The following POLA1 variants were observed in gnomAD, a reference collection of about 807,000 sequenced individuals.
The protein encoded by POLA1 is DNA polymerase alpha catalytic subunit.
POLA1 carries 15 observed loss-of-function variants against 124.0 expected under a neutral mutation model. The observed-to-expected ratio is 0.12, with a 90% CI of 0.08 to 0.19. The LOEUF is 0.19. POLA1 is among the 10% of genes least tolerant of loss of function. POLA1 has a pLI of 1.00. For missense variants in POLA1, 886 were observed against 1,103.4 expected (o/e 0.80, Z 2.79); for synonymous variants, 408 against 389.4 (o/e 1.05, Z -0.56).
chrX:24,901,399 A>G (rs1054569097), intron 35 of POLA1, among the ~76,000 whole-genome samples: 1 of 111,220 alleles, frequency 9.0e-6, no homozygotes, highest in Non-Finnish European at 1.9e-5. Flanking sequence ...TGGCATATTT[A>G]AAAAATAGGA....
chrX:24,913,829 A>T (rs779518925), intron 35 of POLA1, among the ~76,000 whole-genome samples: 1 of 109,947 alleles, frequency 9.1e-6, no homozygotes, highest in Non-Finnish European at 1.9e-5. Flanking sequence ...GGAGTTCGAG[A>T]CCAACGTGGC....
At chrX:24,794,874 TA>T (rs1195043511) in intron 26 of POLA1, among the ~76,000 whole-genome samples, 1 of 110,283 alleles carries the variant, frequency 9.1e-6, no homozygotes. Flanking sequence ...TTTTTTTTTT[TA>T]AAAGTGTTTA....
chrX:24,988,696 A>G lies in POLA1; in HGVS notation c.4262-7109A>G, dbSNP rs150920997. 9.4e-3 allele frequency among the ~76,000 whole-genome samples: 1,057 copies of G among 112,287 alleles called. 15 individuals are homozygous for G. Among genetic ancestry groups the G allele is most frequent in the African/African-American group, 0.032 (997 of 30,919 alleles). ...CAAGATTAGAAATGCGGCTGGGCAC[A>G]GTGGCTGACACCTCTAATCCAGCAC... On this transcript the variant is annotated intron_variant, in intron 36 of 36. Coordinates refer to ENST00000379068, the MANE Select transcript of POLA1 (RefSeq NM_001330360.2).
intron 34 of POLA1, among the ~76,000 whole-genome samples, chrX:24,882,582 TC>T (rs1290829125): frequency 1.8e-5 from 2 of 111,273 alleles, no homozygotes; most frequent in Non-Finnish European, 1.9e-5. Context: ...GGTTTTCTGT[TC>T]CTGCATTAAT....
At chrX:24,941,357 G>T (rs1215819942) in intron 36 of POLA1, among the ~76,000 whole-genome samples, 1 of 111,865 alleles carries the variant, frequency 8.9e-6, no homozygotes, top group Non-Finnish European at 1.9e-5. Context: ...TGACATTGTT[G>T]TGTTTTGTTT....
At chrX:24,694,735 A>T (rs1927856670) in intron 1 of POLA1, among the ~76,000 whole-genome samples, 1 of 112,479 alleles carries the variant, frequency 8.9e-6, no homozygotes, top group Non-Finnish European at 1.9e-5. Context: ...TAAGTGTTCA[A>T]CTAAAGCGTG....
intron 36 of POLA1, among the ~76,000 whole-genome samples, chrX:24,965,086 G>A (rs989484482): frequency 6.3e-5 from 7 of 111,853 alleles, no homozygotes; most frequent in Non-Finnish European, 7.5e-5. Flanking sequence ...GGAAGGGCTC[G>A]ATACCTTAAA....
At chrX:24,762,830 C>T (rs952654988) in intron 26 of POLA1, among the ~76,000 whole-genome samples, 1 of 110,491 alleles carries the variant, frequency 9.1e-6, no homozygotes, top group Non-Finnish European at 1.9e-5. Context: ...CTCTGCCTCC[C>T]GGGTTCAAGT....
At chrX:24,906,421 G>A (rs1023086141) in intron 35 of POLA1, among the ~76,000 whole-genome samples, 2 of 110,542 alleles carry the variant, frequency 1.8e-5, no homozygotes, top group Non-Finnish European at 3.8e-5. Context: ...ATCAAGTATC[G>A]TATGTTCTCA....
intron 35 of POLA1, 28 bp downstream of exon 35, chrX:24,888,150 A>C: frequency 1.0e-6 from 1 of 962,295 alleles, no homozygotes; most frequent in Non-Finnish European, 1.5e-6. Context: ...CTAAAGAACC[A>C]TGTAGAAGAG....
intron 26 of POLA1, among the ~76,000 whole-genome samples, chrX:24,806,019 A>G (rs2045790488): frequency 1.5e-5 from 1 of 66,214 alleles, no homozygotes; most frequent in African/African-American, 5.9e-5. Flanking sequence ...TAAGTGTTTG[A>G]TTGTTGACTT....
intron 19 of POLA1, among the ~76,000 whole-genome samples, chrX:24,738,158 A>AGCCG (rs1280351619): frequency 4.2e-5 from 4 of 95,097 alleles, no homozygotes; most frequent in African/African-American, 1.7e-4. Flanking sequence ...GCTTGCAGTG[A>AGCCG]GCCGAGATTG....
At chrX:24,762,513 C>G (rs1186105509) in intron 26 of POLA1, among the ~76,000 whole-genome samples, 1 of 111,378 alleles carries the variant, frequency 9.0e-6, no homozygotes, top group East Asian at 2.8e-4. Flanking sequence ...CTGGAGTTAA[C>G]TAGGTAAAGA....
chrX:24,826,298 T>C, intron 31 of POLA1, 129 bp from the exon 32 acceptor site: 2 of 430,936 alleles, frequency 4.6e-6, no homozygotes, highest in South Asian at 9.5e-5. Context: ...GGTCTTGATG[T>C]TTAGAAGTAG....
chrX:24,836,942 T>C (rs1161895619), intron 32 of POLA1, among the ~76,000 whole-genome samples: 1 of 111,690 alleles, frequency 9.0e-6, no homozygotes, highest in Non-Finnish European at 1.9e-5. Flanking sequence ...TATACAATAT[T>C]TTAAAAAATT....
chrX:24,917,234 C>T (rs188512200), intron 35 of POLA1, among the ~76,000 whole-genome samples: 4 of 108,000 alleles, frequency 3.7e-5, no homozygotes, highest in Non-Finnish European at 7.7e-5. Flanking sequence ...TGCAGTGAGC[C>T]GAGATTGCAC....
intron 36 of POLA1, among the ~76,000 whole-genome samples, chrX:24,932,178 C>T (rs890013719): frequency 8.9e-6 from 1 of 112,946 alleles, no homozygotes; most frequent in Non-Finnish European, 1.9e-5. Context: ...GGATTACAGG[C>T]GTGAGCCACT....
rs748468721 is a variant in POLA1 at position 24,758,459 on chromosome X, C to G, written c.2964+9467C>G. 5.4e-5 allele frequency among the ~76,000 whole-genome samples: 6 copies of G among 111,673 alleles called. No individual in the cohort carries two copies. In the South Asian group the frequency reaches 1.9e-3, roughly 35 times the overall value. On this transcript the variant is annotated intron_variant, in intron 26 of 36. Transcript: ENST00000379068. Reference sequence around the variant, plus strand: ...TGGAAACTAGCATATCTCTAAGATGCATGGATATTGGCCTCTGTGTGCCTT... The same window carrying G: ...TGGAAACTAGCATATCTCTAAGATGGATGGATATTGGCCTCTGTGTGCCTT...
intron 36 of POLA1, among the ~76,000 whole-genome samples, chrX:24,951,223 C>T (rs2048035802): frequency 1.0e-5 from 1 of 95,245 alleles, no homozygotes; most frequent in Non-Finnish European, 2.1e-5. Flanking sequence ...CCCTTCCTCA[C>T]TACCTTATCC....
Sources: gnomAD v4.1 joint callset for allele counts (sites outside exome capture counted in the v4.1 genomes callset) on GRCh38, gnomAD v4.1.1 for gene constraint, MANE v1.5 for transcripts, NCBI Gene and HGNC (gene_info 2026-07-23, HGNC 2026-07-21) for gene names.